WSB2: variants seen among roughly 807,000 people sequenced by gnomAD.
The protein encoded by WSB2 is WD repeat and SOCS box containing 2.
In WSB2, 12 loss-of-function variants were observed where a neutral mutation model predicts 48.8. That is an observed-to-expected ratio of 0.25 (90% CI 0.16 to 0.40). The LOEUF (loss-of-function observed/expected upper bound fraction) is 0.40. Among genes scored for constraint, WSB2 ranks in the 10% least tolerant of loss-of-function variants. The pLI, the probability that WSB2 is intolerant of heterozygous loss-of-function variation, is 1.00. For missense variants in WSB2, 317 were observed against 506.2 expected, an observed-to-expected ratio of 0.63 and a Z score of 3.59; for synonymous variants, 191 against 203.1, an observed-to-expected ratio of 0.94 and a Z score of 0.51.
In WSB2 at chr12:118,034,316, G is replaced by A. The variant is rs1476005442; in HGVS notation, c.1095C>T (p.Val365=). Residue 365 remains valine, a synonymous_variant, in exon 9 of 9, where the codon GTC becomes GTT. Coordinates refer to ENST00000315436, the MANE Select transcript of WSB2 (RefSeq NM_018639.5). ...GHVQFWTAPR[V]LSSLKHLCRK... ...GGCATAAGTGCTTCAGTGAGGACAG[G>A]ACCCTAGGAGCTGTCCAGAACTGGA... 1 of 1,614,216 alleles carries A rather than the reference G, an allele frequency of 6.2e-7. No individual in the cohort carries two copies. Among genetic ancestry groups the A allele is most frequent in the South Asian group, 1.1e-5 (1 of 91,080 alleles).
chr12:118,036,622 TTCTC>T (rs2031517651), intron 5 of WSB2, 112 bp from the exon 6 acceptor site: 3 of 1,137,418 alleles, frequency 2.6e-6, no homozygotes, highest in South Asian at 3.1e-5. Flanking sequence ...CCAGGGCTGA[TTCTC>T]TATCCCTTTT....
chr12:118,061,647 G>T (rs982996098), upstream of WSB2, among the ~76,000 whole-genome samples: 1 of 150,506 alleles, frequency 6.6e-6, no homozygotes, highest in Admixed American at 6.6e-5. Flanking sequence ...GCGATCCGGG[G>T]AGAACGGAGA....
chr12:118,041,921 AT>A (rs1433011287), intron 4 of WSB2, among the ~76,000 whole-genome samples: 3 of 151,470 alleles, frequency 2.0e-5, no homozygotes, highest in South Asian at 4.2e-4. Context: ...CGCCCAGCTC[AT>A]TTTTGTATTT....
At chr12:118,043,892 G>GGCTAA (rs1356509736) in intron 2 of WSB2, among the ~76,000 whole-genome samples, 3 of 152,050 alleles carry the variant, frequency 2.0e-5, no homozygotes, top group Non-Finnish European at 4.4e-5. Flanking sequence ...TAAGGCAGGT[G>GGCTAA]GATCGCCTGA....
At chr12:118,045,256 C>G (rs1350638181) in intron 2 of WSB2, among the ~76,000 whole-genome samples, 1 of 151,146 alleles carries the variant, frequency 6.6e-6, no homozygotes, top group African/African-American at 2.4e-5. Context: ...CCCAGCTACT[C>G]GGAGAGGCTG....
Position 118,035,288 on chromosome 12 carries a change from G to T in WSB2, c.870C>A (p.Asp290Glu), listed in dbSNP as rs748989960. The change falls in exon 7 of 9, where the codon GAC (aspartate) becomes GAA (glutamate). Residue 290 changes from aspartate to glutamate, a missense_variant. Around this residue, in one of 2 missense-constraint regions of WSB2, gnomAD observed 189 missense variants for 349.6 expected, o/e 0.54. Transcript: ENST00000315436. ...CAGATCTCAGTGAGCTAATGTGGAC[G>T]TCACTGTCATCCATGGCGGGGTCAA... ...TQVDPAMDDS[D>E]VHISSLRSVC... is the part of the protein sequence containing the mutation. 2 of 1,614,196 alleles carry T rather than the reference G, an allele frequency of 1.2e-6. No individual in the cohort carries two copies. The highest frequency in any genetic ancestry group is 2.2e-5 in the South Asian group (2 of 91,088).
chr12:118,052,263 A>G (rs563296703), intron 2 of WSB2, 47 bp downstream of exon 2: 1 of 1,597,112 alleles, frequency 6.3e-7, no homozygotes, highest in Non-Finnish European at 8.6e-7. Context: ...AAGAACAAGG[A>G]GTGTTTGGAA....
intron 4 of WSB2, among the ~76,000 whole-genome samples, chr12:118,041,284 A>G (rs1227056857): frequency 2.0e-5 from 3 of 152,170 alleles, no homozygotes; most frequent in African/African-American, 7.2e-5. Context: ...CCTTAGAAGA[A>G]GAGACATGAA....
At chr12:118,055,245 A>G (rs1316904996) in intron 1 of WSB2, among the ~76,000 whole-genome samples, 2 of 152,122 alleles carry the variant, frequency 1.3e-5, no homozygotes, top group Non-Finnish European at 2.9e-5. Context: ...TTTGGTTGTC[A>G]CAACTGGAGT....
intron 2 of WSB2, among the ~76,000 whole-genome samples, chr12:118,051,468 G>A (rs1350755280): frequency 9.9e-5 from 15 of 152,148 alleles, no homozygotes; most frequent in Admixed American, 7.9e-4. Context: ...GCTAGAATAC[G>A]GATGAACTGT....
intron 4 of WSB2, among the ~76,000 whole-genome samples, chr12:118,040,589 C>T (rs1301405534): frequency 1.3e-5 from 2 of 151,090 alleles, no homozygotes; most frequent in Non-Finnish European, 2.9e-5. Flanking sequence ...GGCAAAACCC[C>T]GTCTCTACTA....
chr12:118,034,582 T>TCTC, intron 8 of WSB2: 1 of 542,918 alleles, frequency 1.8e-6, no homozygotes, highest in Non-Finnish European at 3.2e-6. Flanking sequence ...GCGCTCTCTC[T>TCTC]GTCTCTCTCT....
chr12:118,040,967 T>C (rs2031624608), intron 4 of WSB2, among the ~76,000 whole-genome samples: 1 of 152,210 alleles, frequency 6.6e-6, no homozygotes, highest in Non-Finnish European at 1.5e-5. Flanking sequence ...AAGAATGACT[T>C]GAACCTGGGA....
At chr12:118,039,222 T>C (rs920919975) in intron 4 of WSB2, among the ~76,000 whole-genome samples, 2 of 152,174 alleles carry the variant, frequency 1.3e-5, no homozygotes, top group African/African-American at 4.8e-5. Flanking sequence ...AGCTTGGGTT[T>C]GAATCCTGAC....
chr12:118,059,945 C>A (rs1303153283), intron 1 of WSB2, among the ~76,000 whole-genome samples: 3 of 152,190 alleles, frequency 2.0e-5, no homozygotes, highest in Admixed American at 1.3e-4. Context: ...CCCACAGTAA[C>A]AAGCCATCAG....
At chr12:118,055,344 G>A (rs887238946) in intron 1 of WSB2, among the ~76,000 whole-genome samples, 1 of 152,100 alleles carries the variant, frequency 6.6e-6, no homozygotes, top group African/African-American at 2.4e-5. Context: ...AGAATCATCT[G>A]GCCCAAAATG....
At chr12:118,040,276 G>A (rs949816659) in intron 4 of WSB2, among the ~76,000 whole-genome samples, 3 of 152,140 alleles carry the variant, frequency 2.0e-5, no homozygotes, top group Non-Finnish European at 4.4e-5. Context: ...GCGCCTGTCA[G>A]CTGGGAACCA....
At chr12:118,036,211 C>G (rs1406467158) in intron 6 of WSB2, 127 bp downstream of exon 6, 3 of 1,132,166 alleles carry the variant, frequency 2.6e-6, no homozygotes, top group Non-Finnish European at 3.8e-6. Flanking sequence ...CAAAAGAGAC[C>G]CACTGTGCCT....
Position 118,051,614 on chromosome 12 carries a change from G to A in WSB2, c.182+696C>T, listed in dbSNP as rs560128975. Among the ~76,000 whole-genome samples, 3 of 152,302 alleles carry A rather than the reference G, an allele frequency of 2.0e-5. No individual in the cohort carries two copies. In the South Asian group the frequency reaches 6.2e-4, roughly 32 times the overall value. On this transcript the variant is annotated intron_variant, in intron 2 of 8. Coordinates refer to ENST00000315436, the MANE Select transcript of WSB2 (RefSeq NM_018639.5). ...GTGGTTGCCTGGAGAGTGCAGGGGG[G>A]TTGGGGGATCTAAATTAAGGGGTAC...
Sources: allele counts gnomAD v4.1 joint callset (sites outside exome capture counted in the v4.1 genomes callset), GRCh38; gene constraint gnomAD v4.1.1; regional missense constraint gnomAD v4.1.1; transcripts MANE v1.5; gene names NCBI Gene and HGNC (gene_info 2026-07-23, HGNC 2026-07-21).